HSD11B1: variants seen among roughly 807,000 people sequenced by gnomAD.
HSD11B1 encodes the protein 11-beta-hydroxysteroid dehydrogenase 1.
Under a neutral mutation model 22.1 loss-of-function variants are expected in HSD11B1, and 15 were observed. That is an observed-to-expected ratio of 0.68 (90% CI 0.45 to 1.04). HSD11B1 has a LOEUF of 1.04. Ranked by LOEUF, HSD11B1 falls within the 50% of genes least tolerant of loss-of-function variation. The probability of loss-of-function intolerance (pLI) is 0.00; values close to 1 mark genes in which losing one functional copy is unlikely to be tolerated. For synonymous variants in HSD11B1, 122 were observed against 125.2 expected (o/e 0.97, Z 0.17); for missense variants, 281 against 357.6 (o/e 0.79, Z 1.73).
At chr1:209,728,791 C>T (rs2102398815) in intron 4 of HSD11B1, among the ~76,000 whole-genome samples, 1 of 152,312 alleles carries the variant, frequency 6.6e-6, no homozygotes. Context: ...TTGCTACTCT[C>T]AGAAACTCTT....
At chr1:209,688,535 G>C (rs554202510) in intron 1 of HSD11B1, among the ~76,000 whole-genome samples, 7 of 152,198 alleles carry the variant, frequency 4.6e-5, no homozygotes, top group Non-Finnish European at 8.8e-5. Flanking sequence ...TGCTCAGTAA[G>C]TATTTTTTTA....
intron 4 of HSD11B1, among the ~76,000 whole-genome samples, chr1:209,716,345 C>A (rs998758811): frequency 0.012 from 1,205 of 97,178 alleles, 15 homozygotes; most frequent in African/African-American, 0.034. Context: ...AAAAAAAAAA[C>A]CACCTAGGAA....
intron 1 of HSD11B1, among the ~76,000 whole-genome samples, chr1:209,693,962 A>G (rs1016798218): frequency 5.9e-5 from 9 of 151,828 alleles, no homozygotes; most frequent in Non-Finnish European, 1.2e-4. Flanking sequence ...GACCTCTCCC[A>G]TCTCACTGAG....
chr1:209,688,477 T>A (rs894451721), intron 1 of HSD11B1, among the ~76,000 whole-genome samples: 1 of 152,016 alleles, frequency 6.6e-6, no homozygotes, highest in African/African-American at 2.4e-5. Flanking sequence ...CACATATTAG[T>A]GAGGCTTTGT....
At chr1:209,718,071 T>G (rs1052822649) in intron 4 of HSD11B1, among the ~76,000 whole-genome samples, 1 of 152,224 alleles carries the variant, frequency 6.6e-6, no homozygotes, top group Admixed American at 6.5e-5. Flanking sequence ...AGTAGAATGA[T>G]AGTTTACAGA....
chr1:209,734,534 G>A lies in HSD11B1; in HGVS notation c.*13G>A, dbSNP rs767848676. The A allele has an allele frequency of 1.3e-6, 2 of 1,585,768 alleles. No homozygotes were observed. ...CATAAACAAGTAGGAACTCCCTGAG[G>A]GCTGGGCATGCTGAGGGATTTTGGG... On this transcript the variant is annotated 3_prime_UTR_variant, in exon 6 of 6. Transcript: ENST00000367027.
chr1:209,698,973 T>C (rs1053979118), intron 1 of HSD11B1, among the ~76,000 whole-genome samples: 7 of 152,134 alleles, frequency 4.6e-5, no homozygotes, highest in Admixed American at 1.3e-4. Context: ...ATTTATCCCA[T>C]GCCTACTTCA....
chr1:209,688,496 C>A (rs1021793940), intron 1 of HSD11B1, among the ~76,000 whole-genome samples: 1 of 152,134 alleles, frequency 6.6e-6, no homozygotes, highest in African/African-American at 2.4e-5. Flanking sequence ...GTATTCCCAG[C>A]GCCTAGCACA....
chr1:209,697,845 T>G (rs1481773362), intron 1 of HSD11B1, among the ~76,000 whole-genome samples: 2 of 144,136 alleles, frequency 1.4e-5, no homozygotes, highest in Non-Finnish European at 3.0e-5. Flanking sequence ...AAATCCAAAT[T>G]TCAGATAAAC....
intron 1 of HSD11B1, among the ~76,000 whole-genome samples, chr1:209,691,830 G>A (rs2076761265): frequency 6.6e-6 from 1 of 152,180 alleles, no homozygotes; most frequent in Non-Finnish European, 1.5e-5. Flanking sequence ...TCCTTAGCAG[G>A]AAATGAATAA....
intron 1 of HSD11B1, among the ~76,000 whole-genome samples, chr1:209,689,771 C>T (rs533643021): frequency 2.0e-5 from 3 of 151,874 alleles, no homozygotes; most frequent in African/African-American, 4.8e-5. Context: ...CTTCTGCAGG[C>T]TGCAAAACCA....
intron 4 of HSD11B1, among the ~76,000 whole-genome samples, chr1:209,715,516 T>C (rs753060825): frequency 1.3e-5 from 2 of 152,154 alleles, no homozygotes; most frequent in Admixed American, 1.3e-4. Context: ...AATCTTGTTC[T>C]GCCAGTAAGT....
At chr1:209,729,521 C>T (rs557467173) in intron 4 of HSD11B1, among the ~76,000 whole-genome samples, 11 of 152,276 alleles carry the variant, frequency 7.2e-5, no homozygotes, top group South Asian at 2.1e-4. Flanking sequence ...ATCCTCAACA[C>T]GTGGCTTCTA....
At chr1:209,713,169 T>C (rs1265317468) in intron 4 of HSD11B1, among the ~76,000 whole-genome samples, 1 of 152,222 alleles carries the variant, frequency 6.6e-6, no homozygotes, top group Non-Finnish European at 1.5e-5. Context: ...ATTTTTTAAA[T>C]TGCAAAACAT....
At chr1:209,710,153 TGGA>T (rs1412317545) in intron 4 of HSD11B1, among the ~76,000 whole-genome samples, 1 of 152,156 alleles carries the variant, frequency 6.6e-6, no homozygotes, top group Non-Finnish European at 1.5e-5. Flanking sequence ...AAAAAATCAC[TGGA>T]GTGGGCAGAG....
At chr1:209,721,882 G>A (rs1377748951) in intron 4 of HSD11B1, among the ~76,000 whole-genome samples, 1 of 152,182 alleles carries the variant, frequency 6.6e-6, no homozygotes, top group South Asian at 2.1e-4. Context: ...CTTTAGATGT[G>A]AGTCAAATTC....
intron 4 of HSD11B1, among the ~76,000 whole-genome samples, chr1:209,708,439 G>A (rs567332301): frequency 6.6e-6 from 1 of 152,336 alleles, no homozygotes; most frequent in Admixed American, 6.5e-5. Context: ...TAAAGGGGCA[G>A]TGTGTCTGTG....
At chr1:209,708,853 A>G (rs2076877244) in intron 4 of HSD11B1, among the ~76,000 whole-genome samples, 1 of 152,162 alleles carries the variant, frequency 6.6e-6, no homozygotes, top group Non-Finnish European at 1.5e-5. Context: ...ATTGAATGAC[A>G]CTTGGTAATT....
chr1:209,700,373 G>A (rs752019231), upstream of HSD11B1, among the ~76,000 whole-genome samples: 40 of 152,322 alleles, frequency 2.6e-4, no homozygotes, highest in Non-Finnish European at 4.9e-4. Context: ...CCAAGGCTTG[G>A]GGCTTCCACC....
Sources: gnomAD v4.1 joint callset for allele counts (sites outside exome capture counted in the v4.1 genomes callset) on GRCh38, gnomAD v4.1.1 for gene constraint, MANE v1.5 for transcripts, NCBI Gene and HGNC (gene_info 2026-07-23, HGNC 2026-07-21) for gene names.